NR3C2: variants seen among roughly 807,000 people sequenced by gnomAD.
NR3C2 encodes nuclear receptor subfamily 3 group C member 2.
Under a neutral mutation model 86.4 loss-of-function variants are expected in NR3C2, and 15 were observed. That is an observed-to-expected ratio of 0.17 (90% confidence interval 0.12 to 0.27). NR3C2 has a LOEUF of 0.27. NR3C2 is among the 10% of genes least tolerant of loss of function. NR3C2 has a pLI of 1.00. For missense variants in NR3C2, 960 were observed against 1,195.6 expected (o/e 0.80, Z 2.91); for synonymous variants, 458 against 450.5 (o/e 1.02, Z -0.21).
intron 3 of NR3C2, among the ~76,000 whole-genome samples, chr4:148,248,641 C>T (rs1190532678): frequency 6.6e-6 from 1 of 152,120 alleles, no homozygotes; most frequent in African/African-American, 2.4e-5. Flanking sequence ...GGCCCTTTAG[C>T]ACAATATTCA....
intron 3 of NR3C2, among the ~76,000 whole-genome samples, chr4:148,202,956 A>C (rs531343963): frequency 7.2e-5 from 11 of 152,354 alleles, no homozygotes; most frequent in African/African-American, 2.4e-4. Context: ...TCTAAAAAAC[A>C]TTCTTGAACA....
intron 8 of NR3C2, among the ~76,000 whole-genome samples, chr4:148,098,531 A>G (rs796354608): frequency 5.3e-5 from 8 of 152,316 alleles, no homozygotes; most frequent in African/African-American, 1.9e-4. Flanking sequence ...ACGGCATTAG[A>G]GCTGAAACAA....
At chr4:148,439,177 C>A (rs1161070696) in intron 1 of NR3C2, among the ~76,000 whole-genome samples, 1 of 152,064 alleles carries the variant, frequency 6.6e-6, no homozygotes, top group Non-Finnish European at 1.5e-5. Flanking sequence ...ACTAAAAAAC[C>A]ATTTAGTCAT....
At chr4:148,424,233 C>T (rs1430604270) in intron 2 of NR3C2, among the ~76,000 whole-genome samples, 2 of 152,232 alleles carry the variant, frequency 1.3e-5, no homozygotes, top group Middle Eastern at 6.8e-3. Context: ...CCAATTTAAA[C>T]CACAATGAGA....
intron 6 of NR3C2, among the ~76,000 whole-genome samples, chr4:148,143,257 A>G (rs1331418458): frequency 3.3e-5 from 5 of 152,196 alleles, no homozygotes; most frequent in Non-Finnish European, 5.9e-5. Context: ...AAGGAGGCCA[A>G]TGTGGCTAAC....
At chr4:148,181,961 G>A (rs1230634400) in intron 4 of NR3C2, among the ~76,000 whole-genome samples, 1 of 152,152 alleles carries the variant, frequency 6.6e-6, no homozygotes, top group African/African-American at 2.4e-5. Flanking sequence ...GTAAAGGAGA[G>A]GCCAGTTTGG....
chr4:148,230,378 G>A (rs1053263869), intron 3 of NR3C2, among the ~76,000 whole-genome samples: 2 of 152,044 alleles, frequency 1.3e-5, no homozygotes, highest in Non-Finnish European at 2.9e-5. Context: ...GTATTTTTTA[G>A]TAGAGACAGG....
chr4:148,185,855 AATTT>A (rs1236980899), intron 4 of NR3C2, among the ~76,000 whole-genome samples: 1 of 152,168 alleles, frequency 6.6e-6, no homozygotes, highest in Non-Finnish European at 1.5e-5. Context: ...AGTATTCTGT[AATTT>A]ATTTAATCCA....
chr4:148,277,267 C>T (rs995874324), intron 2 of NR3C2, among the ~76,000 whole-genome samples: 2 of 152,168 alleles, frequency 1.3e-5, no homozygotes, highest in South Asian at 2.1e-4. Context: ...ATTAAGATAA[C>T]GAATACCTGA....
chr4:148,444,941 G>A (rs1750511018), upstream of NR3C2: 1 of 985,064 alleles, frequency 1.0e-6, no homozygotes, highest in Non-Finnish European at 1.2e-6. Context: ...CTGGGTGGCC[G>A]GTGACAGCTC....
intron 2 of NR3C2, among the ~76,000 whole-genome samples, chr4:148,306,377 A>G (rs1579131765): frequency 6.6e-6 from 1 of 152,178 alleles, no homozygotes. Context: ...ACCTTCTCCA[A>G]TTGAGTGAAT....
rs58978966 is a variant in NR3C2 at position 148,363,506 on chromosome 4, C to CTTTTTTTTTTTTTTTTTTTTTT, written c.1757+71597_1757+71598insAAAAAAAAAAAAAAAAAAAAAA. 9.9e-5 allele frequency among the ~76,000 whole-genome samples: 11 copies of CTTTTTTTTTTTTTTTTTTTTTT among 110,760 alleles called. 1 individual carries two copies. Among genetic ancestry groups the CTTTTTTTTTTTTTTTTTTTTTT allele is most frequent in the African/African-American group, 3.1e-4 (9 of 28,858 alleles). 72.7% of individuals were successfully genotyped at this position (110,760 alleles called of 152,430 possible). ...TAAAGTCTAGACTTCTCATAGATCT[C>CTTTTTTTTTTTTTTTTTTTTTT]TTTTTTTTTTTTTTTGAGACGGAGT... On this transcript the variant is annotated intron_variant, in intron 2 of 8. Coordinates refer to ENST00000358102, the MANE Select transcript of NR3C2 (RefSeq NM_000901.5).
In NR3C2 at chr4:148,079,765, T is replaced by C. The variant is rs1399140451; in HGVS notation, c.*1579A>G. On this transcript the variant is annotated 3_prime_UTR_variant, in exon 9 of 9. Transcript: ENST00000358102. ...CAAAACTGTTTATGTATAAAACTTA[T>C]TTTTAAAACCTACCTTTTAAAAATC... is the stretch of plus-strand genomic sequence containing the variant. 1 of 152,656 alleles carries C rather than the reference T, an allele frequency of 6.6e-6. No homozygotes were observed. The highest frequency in any genetic ancestry group is 2.4e-5 in the African/African-American group (1 of 41,448). The allele number at this position is 152,656 out of a possible 1,614,324, so 9.5% of individuals were successfully genotyped here.
chr4:148,257,422 A>T (rs2149868552), intron 3 of NR3C2, among the ~76,000 whole-genome samples: 1 of 152,332 alleles, frequency 6.6e-6, no homozygotes. Flanking sequence ...ATGGCAAAAT[A>T]GCAAGGCTAT....
intron 2 of NR3C2, among the ~76,000 whole-genome samples, chr4:148,415,675 G>C (rs1748956436): frequency 6.6e-6 from 1 of 152,136 alleles, no homozygotes. Flanking sequence ...GATCCTAACT[G>C]AACAAAATGC....
intron 2 of NR3C2, among the ~76,000 whole-genome samples, chr4:148,278,721 GT>G (rs1741086263): frequency 6.6e-6 from 1 of 152,030 alleles, no homozygotes; most frequent in African/African-American, 2.4e-5. Context: ...AGAAACTTTG[GT>G]GACAAACGTA....
intron 3 of NR3C2, among the ~76,000 whole-genome samples, chr4:148,223,896 T>G (rs1737999553): frequency 1.3e-5 from 2 of 152,202 alleles, no homozygotes; most frequent in African/African-American, 4.8e-5. Context: ...CATCTTGTTA[T>G]GTTTTAGGTA....
At chr4:148,391,626 G>A (rs1258933703) in intron 2 of NR3C2, among the ~76,000 whole-genome samples, 1 of 152,110 alleles carries the variant, frequency 6.6e-6, no homozygotes, top group Non-Finnish European at 1.5e-5. Flanking sequence ...CAGCAGTTTG[G>A]GAGGTTGAGG....
chr4:148,152,976 G>C (rs942248000), intron 5 of NR3C2, among the ~76,000 whole-genome samples: 7 of 152,078 alleles, frequency 4.6e-5, no homozygotes, highest in Non-Finnish European at 8.8e-5. Context: ...TAAAATAAAG[G>C]GTAATTTAAT....
Sources: allele counts gnomAD v4.1 joint callset (sites outside exome capture counted in the v4.1 genomes callset), GRCh38; gene constraint gnomAD v4.1.1; transcripts MANE v1.5; gene names NCBI Gene and HGNC (gene_info 2026-07-23, HGNC 2026-07-21).